CNKSR2: variants seen among roughly 807,000 people sequenced by gnomAD.
CNKSR2 encodes the protein CNK homolog protein 2.
Under a neutral mutation model 84.4 loss-of-function variants are expected in CNKSR2, and 14 were observed. The ratio of observed to expected loss-of-function variants is 0.17; its 90% CI spans 0.11 to 0.26. The LOEUF (loss-of-function observed/expected upper bound fraction) is 0.26, where lower values mean the gene tolerates loss of function less well. CNKSR2 is among the 10% of genes least tolerant of loss of function. The probability of loss-of-function intolerance (pLI) is 1.00; values close to 1 mark genes in which losing one functional copy is unlikely to be tolerated. For missense variants in CNKSR2, 485 were observed against 771.2 expected, an observed-to-expected ratio of 0.63 and a Z score of 4.40; for synonymous variants, 275 against 277.9, an observed-to-expected ratio of 0.99 and a Z score of 0.10.
chrX:21,527,958 C>T (rs1403442234), intron 10 of CNKSR2, among the ~76,000 whole-genome samples: 2 of 110,575 alleles, frequency 1.8e-5, no homozygotes, highest in Non-Finnish European at 3.8e-5. Flanking sequence ...GGTTTACTGA[C>T]ATTATGTGAT....
chrX:21,635,951 A>C (rs759885751), intron 20 of CNKSR2, among the ~76,000 whole-genome samples: 1 of 111,655 alleles, frequency 9.0e-6, no homozygotes, highest in East Asian at 2.8e-4. Flanking sequence ...TTTACCACCC[A>C]GTCATATAAG....
At chrX:21,601,436 G>A in intron 18 of CNKSR2, 87 bp downstream of exon 18, 1 of 559,889 alleles carries the variant, frequency 1.8e-6, no homozygotes, top group South Asian at 3.7e-5. Context: ...TCACTTGAGA[G>A]AAAATACATG....
intron 12 of CNKSR2, among the ~76,000 whole-genome samples, chrX:21,561,813 A>T (rs770722571): frequency 9.0e-6 from 1 of 110,884 alleles, no homozygotes; most frequent in South Asian, 3.8e-4. Flanking sequence ...TTATTATTTG[A>T]AAGGTAATAT....
chrX:21,485,779 A>G lies in CNKSR2; in HGVS notation c.562-4680A>G, dbSNP rs1323367183. ...GCTTTTTTAAGGCATATCATTTACT[A>G]TTCTTTAATTTTAGGTACAAATTTT... On this transcript the variant is annotated intron_variant, in intron 5 of 21. Coordinates refer to ENST00000379510, the MANE Select transcript of CNKSR2 (RefSeq NM_014927.5). Among the ~76,000 whole-genome samples, 5 of 112,027 alleles carry G rather than the reference A, an allele frequency of 4.5e-5. 1 individual carries two copies. The highest frequency in any genetic ancestry group is 3.7e-4 in the South Asian group (1 of 2,713).
chrX:21,456,930 C>T (rs1385719861), intron 4 of CNKSR2, among the ~76,000 whole-genome samples: 2 of 111,506 alleles, frequency 1.8e-5, no homozygotes, highest in Non-Finnish European at 1.9e-5. Flanking sequence ...GATGATATCT[C>T]ATTGTGGTTT....
intron 5 of CNKSR2, among the ~76,000 whole-genome samples, chrX:21,488,841 G>A (rs1380470147): frequency 9.1e-6 from 1 of 110,364 alleles, no homozygotes; most frequent in Non-Finnish European, 1.9e-5. Flanking sequence ...TTCTAAATAC[G>A]GTAGCTACAA....
At chrX:21,526,098 A>C (rs1254313887) in intron 9 of CNKSR2, among the ~76,000 whole-genome samples, 1 of 110,603 alleles carries the variant, frequency 9.0e-6, no homozygotes, top group Non-Finnish European at 1.9e-5. Flanking sequence ...ATATTATCTT[A>C]ACTTTAAGAA....
intron 9 of CNKSR2, among the ~76,000 whole-genome samples, chrX:21,518,929 T>C (rs1204823783): frequency 8.9e-6 from 1 of 111,962 alleles, no homozygotes; most frequent in Non-Finnish European, 1.9e-5. Context: ...CTAAAAGCTA[T>C]TGGCCAAAGT....
chrX:21,399,540 CAT>C (rs1270713520), intron 1 of CNKSR2, among the ~76,000 whole-genome samples: 2 of 111,601 alleles, frequency 1.8e-5, no homozygotes, highest in African/African-American at 3.2e-5. Context: ...TAAAATAAAA[CAT>C]GTTGCTACGT....
intron 4 of CNKSR2, among the ~76,000 whole-genome samples, chrX:21,456,785 C>A (rs2091000504): frequency 9.0e-6 from 1 of 111,010 alleles, no homozygotes; most frequent in Non-Finnish European, 1.9e-5. Flanking sequence ...TTTTGAGAAA[C>A]CTCCATACTG....
At chrX:21,484,105 C>T (rs1249999283) in intron 5 of CNKSR2, among the ~76,000 whole-genome samples, 1 of 111,663 alleles carries the variant, frequency 9.0e-6, no homozygotes, top group Non-Finnish European at 1.9e-5. Flanking sequence ...GCCTGGCCAA[C>T]ATGGTGAAAC....
chrX:21,652,246 A>G, intron 21 of CNKSR2, 60 bp from the exon 22 acceptor site: 2 of 1,015,170 alleles, frequency 2.0e-6, no homozygotes, highest in East Asian at 3.0e-5. Context: ...TTAACTTTTT[A>G]TTTTAAACTT....
At chrX:21,448,227 A>T (rs1240682389) in intron 4 of CNKSR2, among the ~76,000 whole-genome samples, 6 of 111,811 alleles carry the variant, frequency 5.4e-5, no homozygotes, top group Middle Eastern at 8.5e-3. Flanking sequence ...CTATACATTT[A>T]TAAAGGAGTC....
At chrX:21,507,393 A>G (rs966780059) in intron 8 of CNKSR2, among the ~76,000 whole-genome samples, 7 of 111,216 alleles carry the variant, frequency 6.3e-5, no homozygotes, top group African/African-American at 9.8e-5. Flanking sequence ...AGAATTCACT[A>G]TGGTCTCATA....
At chrX:21,577,806 A>G (rs1216520498) in intron 13 of CNKSR2, among the ~76,000 whole-genome samples, 3 of 110,343 alleles carry the variant, frequency 2.7e-5, no homozygotes, top group Non-Finnish European at 3.8e-5. Context: ...AACTCCCACA[A>G]TATATTAATA....
intron 1 of CNKSR2, among the ~76,000 whole-genome samples, chrX:21,402,314 T>A (rs1266137079): frequency 9.0e-6 from 1 of 111,444 alleles, no homozygotes; most frequent in East Asian, 2.8e-4. Context: ...TTTGGAAAAT[T>A]AGAATAAATT....
chrX:21,377,324 T>G (rs1303439461), intron 1 of CNKSR2, among the ~76,000 whole-genome samples: 4 of 112,424 alleles, frequency 3.6e-5, no homozygotes, highest in Non-Finnish European at 5.6e-5. Flanking sequence ...ACTTACACTG[T>G]TACCTTAATT....
chrX:21,459,315 A>C (rs1225029214), intron 4 of CNKSR2, among the ~76,000 whole-genome samples: 2 of 112,156 alleles, frequency 1.8e-5, no homozygotes, highest in Non-Finnish European at 3.8e-5. Context: ...TGAGCCACCA[A>C]GCCAGGCTAT....
chrX:21,394,811 C>T (rs1198105958), intron 1 of CNKSR2, among the ~76,000 whole-genome samples: 1 of 111,799 alleles, frequency 8.9e-6, no homozygotes, highest in Non-Finnish European at 1.9e-5. Context: ...TTATTAAACA[C>T]TGAATCTGTG....
Sources: gnomAD v4.1 joint callset for allele counts (sites outside exome capture counted in the v4.1 genomes callset) on GRCh38, gnomAD v4.1.1 for gene constraint, MANE v1.5 for transcripts, NCBI Gene and HGNC (gene_info 2026-07-23, HGNC 2026-07-21) for gene names.